Variants in RBFOX1 observed in about 807,000 individuals in gnomAD.
RBFOX1 encodes the protein RNA binding fox-1 homolog 1, also known as RNA binding protein fox-1 homolog 1.
A neutral mutation model predicts 57.7 loss-of-function variants in RBFOX1; 8 were observed. The observed-to-expected ratio is 0.14, with a 90% CI of 0.08 to 0.25. The LOEUF is 0.25. Ranked by LOEUF, RBFOX1 falls within the 10% of genes least tolerant of loss-of-function variation. The pLI is 1.00. For synonymous variants in RBFOX1, 326 were observed against 222.4 expected (o/e 1.47, Z -4.15); for missense variants, 611 against 548.5 (o/e 1.11, Z -1.14).
chr16:6,608,330 A>G (rs906345847), intron 2 of RBFOX1, among the ~76,000 whole-genome samples: 1 of 152,254 alleles, frequency 6.6e-6, no homozygotes, highest in Non-Finnish European at 1.5e-5. Flanking sequence ...CTTTTGAGCC[A>G]GAAAGACTGG....
chr16:5,841,566 C>T (rs1282142112), intron 3 of RBFOX1, among the ~76,000 whole-genome samples: 1 of 152,202 alleles, frequency 6.6e-6, no homozygotes, highest in Non-Finnish European at 1.5e-5. Context: ...CATTCAGATA[C>T]ACAGCAACCA....
intron 3 of RBFOX1, among the ~76,000 whole-genome samples, chr16:5,806,687 C>G (rs540262760): frequency 8.5e-5 from 13 of 152,262 alleles, no homozygotes; most frequent in South Asian, 2.1e-4. Context: ...CAGGTCTTTG[C>G]CAGGGACTGT....
At chr16:5,711,040 C>G (rs139262235) in intron 3 of RBFOX1, among the ~76,000 whole-genome samples, 1 of 152,256 alleles carries the variant, frequency 6.6e-6, no homozygotes, top group African/African-American at 2.4e-5. Context: ...TGCCTCTGGA[C>G]TCCCAGGGTG....
chr16:7,483,050 A>T (rs2064416833), intron 4 of RBFOX1, among the ~76,000 whole-genome samples: 1 of 152,076 alleles, frequency 6.6e-6, no homozygotes, highest in Admixed American at 6.6e-5. Flanking sequence ...CCGTGGGAGG[A>T]GAGGGAAGCC....
intron 4 of RBFOX1, among the ~76,000 whole-genome samples, chr16:7,266,147 T>A (rs1037721657): frequency 6.6e-6 from 1 of 151,906 alleles, no homozygotes; most frequent in Admixed American, 6.6e-5. Flanking sequence ...GCTAATTTTT[T>A]ATATTTTTTA....
At chr16:7,516,586 C>A (rs1188205318) in intron 4 of RBFOX1, among the ~76,000 whole-genome samples, 1 of 152,176 alleles carries the variant, frequency 6.6e-6, no homozygotes, top group African/African-American at 2.4e-5. Context: ...TAGGCACACC[C>A]TCCATGGCCC....
At chr16:5,363,283 G>A (rs2065607196) in intron 1 of RBFOX1, among the ~76,000 whole-genome samples, 2 of 150,916 alleles carry the variant, frequency 1.3e-5, no homozygotes, top group African/African-American at 4.9e-5. Context: ...GGCCTCATGT[G>A]ATCCACCTTC....
intron 3 of RBFOX1, among the ~76,000 whole-genome samples, chr16:5,722,629 G>C (rs2051977846): frequency 6.6e-6 from 1 of 152,142 alleles, no homozygotes; most frequent in African/African-American, 2.4e-5. Flanking sequence ...GTGGCATTAG[G>C]GTTGTGAGTC....
In RBFOX1 at chr16:6,780,104, T is replaced by C. The variant is rs1391014747; in HGVS notation, c.-16+125454T>C. Among the ~76,000 whole-genome samples, 40 of 44,550 alleles carry C rather than the reference T, an allele frequency of 9.0e-4. 5 individuals are homozygous for C. Among genetic ancestry groups the C allele is most frequent in the African/African-American group, 4.5e-3 (33 of 7,306 alleles). The allele number at this position is 44,550 out of a possible 152,430, so 29.2% of individuals were successfully genotyped here. ...ATTTATATATATTTATATATTTTTA[T>C]ATATTTATATATATTTATATATATA... On this transcript the variant is annotated intron_variant, in intron 3 of 15. Coordinates refer to ENST00000550418, the MANE Select transcript of RBFOX1 (RefSeq NM_018723.4).
intron 5 of RBFOX1, among the ~76,000 whole-genome samples, chr16:7,548,794 G>A (rs892706057): frequency 6.6e-6 from 1 of 152,170 alleles, no homozygotes; most frequent in African/African-American, 2.4e-5. Context: ...TTGTCAGCCT[G>A]GCTACTGACT....
intron 4 of RBFOX1, among the ~76,000 whole-genome samples, chr16:5,957,877 T>C (rs923716289): frequency 6.6e-6 from 1 of 152,200 alleles, no homozygotes. Flanking sequence ...TTAACTATAG[T>C]CACCCTATTG....
chr16:6,523,980 A>C (rs2096544121), intron 2 of RBFOX1, among the ~76,000 whole-genome samples: 1 of 152,200 alleles, frequency 6.6e-6, no homozygotes, highest in Non-Finnish European at 1.5e-5. Context: ...TTCATCCCTC[A>C]TGCATTTATC....
chr16:7,462,458 G>T (rs1345941504), intron 4 of RBFOX1, among the ~76,000 whole-genome samples: 1 of 152,124 alleles, frequency 6.6e-6, no homozygotes, highest in African/African-American at 2.4e-5. Context: ...GCCATTGCAC[G>T]CCAGCCTGGG....
At chr16:6,414,830 A>G (rs2093575845) in intron 2 of RBFOX1, among the ~76,000 whole-genome samples, 1 of 152,168 alleles carries the variant, frequency 6.6e-6, no homozygotes, top group African/African-American at 2.4e-5. Context: ...CACAACTGGA[A>G]GAGGTTAGGG....
chr16:5,937,135 GA>G (rs1375531971), intron 4 of RBFOX1, among the ~76,000 whole-genome samples: 1 of 152,198 alleles, frequency 6.6e-6, no homozygotes, highest in Non-Finnish European at 1.5e-5. Flanking sequence ...ATGTTGCCTG[GA>G]AATGTGCTAA....
intron 2 of RBFOX1, among the ~76,000 whole-genome samples, chr16:6,431,896 GCTTT>G (rs869041704): frequency 0.12 from 15,680 of 126,336 alleles, 959 homozygotes; most frequent in Middle Eastern, 0.15. Context: ...TTGCTTGCTT[GCTTT>G]CTTTCTTTCT....
At chr16:7,307,504 T>G (rs1418695406) in intron 4 of RBFOX1, among the ~76,000 whole-genome samples, 1 of 152,230 alleles carries the variant, frequency 6.6e-6, no homozygotes, top group Non-Finnish European at 1.5e-5. Context: ...ATGTTTACAT[T>G]ATTTGACTTA....
intron 1 of RBFOX1, among the ~76,000 whole-genome samples, chr16:5,280,675 C>T (rs898337903): frequency 2.0e-5 from 3 of 152,118 alleles, no homozygotes; most frequent in African/African-American, 7.2e-5. Context: ...CTGTGTATGT[C>T]TGGGAATGTA....
chr16:7,481,843 A>G (rs1416178857), intron 4 of RBFOX1, among the ~76,000 whole-genome samples: 2 of 152,230 alleles, frequency 1.3e-5, no homozygotes, highest in African/African-American at 2.4e-5. Context: ...CAGAACACTT[A>G]TATTAGTCTG....
Sources: allele counts gnomAD v4.1 joint callset (sites outside exome capture counted in the v4.1 genomes callset), GRCh38; gene constraint gnomAD v4.1.1; transcripts MANE v1.5; gene names NCBI Gene and HGNC (gene_info 2026-07-23, HGNC 2026-07-21).